ATRNL1: variants seen among roughly 807,000 people sequenced by gnomAD.
The protein encoded by ATRNL1 is attractin-like protein 1.
A neutral mutation model predicts 182.7 loss-of-function variants in ATRNL1; 95 were observed. That is an observed-to-expected ratio of 0.52 (90% CI 0.44 to 0.62). ATRNL1 has a LOEUF of 0.62. Among genes scored for constraint, ATRNL1 ranks in the 20% least tolerant of loss-of-function variants. ATRNL1 has a pLI of 0.00. For missense variants in ATRNL1, 1,471 were observed against 1,679.5 expected, an observed-to-expected ratio of 0.88 and a Z score of 2.17; for synonymous variants, 576 against 568.3, an observed-to-expected ratio of 1.01 and a Z score of -0.19.
intron 28 of ATRNL1, among the ~76,000 whole-genome samples, chr10:115,868,342 C>T (rs1310530136): frequency 6.6e-6 from 1 of 152,160 alleles, no homozygotes; most frequent in Non-Finnish European, 1.5e-5. Context: ...TGTATTAAAA[C>T]TCTCACCAAT....
Position 115,946,079 on chromosome 10 carries a change from C to T in ATRNL1, c.*1300C>T, listed in dbSNP as rs1206992005. On this transcript the variant is annotated 3_prime_UTR_variant, in exon 29 of 29. Transcript: ENST00000355044. ...CATTAACAGATATAGTTTGGAATTG[C>T]AGTTTCCTCACTTCAGGGTGACAAG... 1 of 152,336 alleles carries T rather than the reference C, an allele frequency of 6.6e-6. No individual in the cohort carries two copies. Among genetic ancestry groups the T allele is most frequent in the African/African-American group, 2.4e-5 (1 of 41,572 alleles). The allele number at this position is 152,336 out of a possible 1,614,324, so 9.4% of individuals were successfully genotyped here.
Position 115,749,836 on chromosome 10 carries a change from T to C in ATRNL1, c.3903+22481T>C, listed in dbSNP as rs568332284. ...AGAATTTCAGTTCCAGTTCTACTTTTAGCTTGTGTGACCTTGAGAAAGTCA... is the reference window on the plus strand; with the variant it reads ...AGAATTTCAGTTCCAGTTCTACTTTCAGCTTGTGTGACCTTGAGAAAGTCA... On this transcript the variant is annotated intron_variant, in intron 27 of 28. Transcript: ENST00000355044. Among the ~76,000 whole-genome samples, 3 of 152,074 alleles carry C rather than the reference T, an allele frequency of 2.0e-5. No homozygotes were observed. The East Asian group carries it at 5.8e-4, about 29-fold the overall frequency.
chr10:115,310,790 T>C (rs2134001466), intron 17 of ATRNL1, among the ~76,000 whole-genome samples: 1 of 152,308 alleles, frequency 6.6e-6, no homozygotes, highest in Admixed American at 6.5e-5. Context: ...TCATTGGTCT[T>C]TTGTATTTTG....
At chr10:115,314,837 G>A (rs1310790428) in intron 17 of ATRNL1, among the ~76,000 whole-genome samples, 1 of 152,172 alleles carries the variant, frequency 6.6e-6, no homozygotes, top group Non-Finnish European at 1.5e-5. Context: ...CAACAACAAA[G>A]GTTGAGTATC....
intron 17 of ATRNL1, among the ~76,000 whole-genome samples, chr10:115,302,961 T>TAA (rs1216757614): frequency 1.3e-5 from 2 of 152,050 alleles, no homozygotes; most frequent in African/African-American, 4.8e-5. Flanking sequence ...AAAATATGCC[T>TAA]TTTCACCTGA....
chr10:115,447,863 G>A (rs1847083252), intron 21 of ATRNL1, among the ~76,000 whole-genome samples: 1 of 151,840 alleles, frequency 6.6e-6, no homozygotes, highest in South Asian at 2.1e-4. Context: ...CTCCATCATG[G>A]TATACAATAA....
intron 24 of ATRNL1, among the ~76,000 whole-genome samples, chr10:115,518,718 A>G (rs1299124999): frequency 6.6e-6 from 1 of 151,958 alleles, no homozygotes; most frequent in Middle Eastern, 3.2e-3. Flanking sequence ...TCCTCAGGAC[A>G]GATGTTACAG....
intron 1 of ATRNL1, among the ~76,000 whole-genome samples, chr10:115,117,057 G>A (rs1844517919): frequency 6.6e-6 from 1 of 151,848 alleles, no homozygotes. Flanking sequence ...GAGGAAGGGG[G>A]ATATATATTT....
At chr10:115,890,647 A>C (rs1234205631) in intron 28 of ATRNL1, among the ~76,000 whole-genome samples, 1 of 152,122 alleles carries the variant, frequency 6.6e-6, no homozygotes, top group East Asian at 1.9e-4. Context: ...TTGTGTTATG[A>C]TATGTTTGAT....
chr10:115,183,793 T>G (rs2144178338), intron 8 of ATRNL1, among the ~76,000 whole-genome samples: 1 of 151,644 alleles, frequency 6.6e-6, no homozygotes, highest in African/African-American at 2.4e-5. Context: ...GGAAGGAAAC[T>G]TCCAAATTTG....
chr10:115,378,237 G>A (rs1857788826), intron 19 of ATRNL1, among the ~76,000 whole-genome samples: 1 of 152,190 alleles, frequency 6.6e-6, no homozygotes, highest in South Asian at 2.1e-4. Flanking sequence ...TTATAGGGCT[G>A]TTTCAAGATC....
chr10:115,745,932 C>CA (rs1948279560), intron 27 of ATRNL1, among the ~76,000 whole-genome samples: 1 of 152,016 alleles, frequency 6.6e-6, no homozygotes, highest in Non-Finnish European at 1.5e-5. Flanking sequence ...AACAAGAATC[C>CA]AAAAATTGAA....
intron 27 of ATRNL1, among the ~76,000 whole-genome samples, chr10:115,825,140 A>G (rs1276641585): frequency 6.6e-6 from 1 of 152,200 alleles, no homozygotes; most frequent in African/African-American, 2.4e-5. Flanking sequence ...GAACTAACAC[A>G]GGAACTGAAA....
chr10:115,183,018 A>C (rs1443304610), intron 8 of ATRNL1, among the ~76,000 whole-genome samples: 1 of 151,540 alleles, frequency 6.6e-6, no homozygotes, highest in Non-Finnish European at 1.5e-5. Flanking sequence ...TCAAATGCAC[A>C]TGGAAAACCC....
In ATRNL1 at chr10:115,681,467, A is replaced by G. The variant is rs184877621; in HGVS notation, c.3796-45781A>G. The stretch of plus-strand genomic sequence containing the variant: ...TAGCAGTAGGTTCAGCAGCTGACCC[A>G]GTGTCACACAAAAAGTAGCAGGACT... On this transcript the variant is annotated intron_variant, in intron 26 of 28. Transcript: ENST00000355044. Among the ~76,000 whole-genome samples the G allele has an allele frequency of 1.4e-4, 21 of 152,276 alleles. No individual in the cohort carries two copies. In the East Asian group the frequency reaches 3.7e-3, roughly 27 times the overall value.
chr10:115,548,216 C>G (rs1310658175), intron 25 of ATRNL1, among the ~76,000 whole-genome samples: 2 of 152,154 alleles, frequency 1.3e-5, no homozygotes, highest in Non-Finnish European at 2.9e-5. Flanking sequence ...AGACTAAATC[C>G]AATCATCGAT....
At chr10:115,743,354 C>G (rs1173591008) in intron 27 of ATRNL1, among the ~76,000 whole-genome samples, 2 of 151,994 alleles carry the variant, frequency 1.3e-5, no homozygotes, top group East Asian at 3.9e-4. Flanking sequence ...TAAGCTGACT[C>G]CACACAACAT....
At chr10:115,108,155 A>G (rs369577183) in intron 1 of ATRNL1, among the ~76,000 whole-genome samples, 13 of 152,020 alleles carry the variant, frequency 8.6e-5, no homozygotes, top group African/African-American at 3.1e-4. Flanking sequence ...TTCCCTTTTC[A>G]TAATATGTTT....
chr10:115,751,497 G>A (rs1199339219), intron 27 of ATRNL1, among the ~76,000 whole-genome samples: 1 of 152,054 alleles, frequency 6.6e-6, no homozygotes, highest in Non-Finnish European at 1.5e-5. Context: ...AAACTGTACA[G>A]CCTCTGTGGA....
Sources: allele counts gnomAD v4.1 joint callset (sites outside exome capture counted in the v4.1 genomes callset), GRCh38; gene constraint gnomAD v4.1.1; transcripts MANE v1.5; gene names NCBI Gene and HGNC (gene_info 2026-07-23, HGNC 2026-07-21).